ZNF385B: variants seen among roughly 807,000 people sequenced by gnomAD.
ZNF385B encodes zinc finger protein 533.
In ZNF385B, 23 loss-of-function variants were observed where a neutral mutation model predicts 39.2. The ratio of observed to expected loss-of-function variants is 0.59; its 90% confidence interval spans 0.42 to 0.83. The LOEUF (loss-of-function observed/expected upper bound fraction) is 0.83. Among genes scored for constraint, ZNF385B ranks in the 40% least tolerant of loss-of-function variants. The pLI, the probability that ZNF385B is intolerant of heterozygous loss-of-function variation, is 0.00. For synonymous variants in ZNF385B, 205 were observed against 222.6 expected (o/e 0.92, Z 0.70); for missense variants, 552 against 598.9 (o/e 0.92, Z 0.82).
At chr2:179,495,007 T>C (rs1394848415) in intron 5 of ZNF385B, among the ~76,000 whole-genome samples, 2 of 152,138 alleles carry the variant, frequency 1.3e-5, no homozygotes, top group African/African-American at 4.8e-5. Context: ...GACTTTGTCT[T>C]GCACCTTAGA....
Position 179,550,304 on chromosome 2 carries a change from A to G in ZNF385B, c.299-5335T>C, listed in dbSNP as rs2060486861. On this transcript the variant is annotated intron_variant, in intron 3 of 9. Transcript: ENST00000410066. ...TGGCTCTGATAATACTGTGTAATAC[A>G]TGGCTCCCTAGGGCCTGGTGAGAGT... Among the ~76,000 whole-genome samples, 3 of 149,488 alleles carry G rather than the reference A, an allele frequency of 2.0e-5. 1 individual carries two copies. Among genetic ancestry groups the G allele is most frequent in the African/African-American group, 7.6e-5 (3 of 39,706 alleles).
At chr2:179,543,543 T>G (rs2060048167) in intron 4 of ZNF385B, among the ~76,000 whole-genome samples, 2 of 152,188 alleles carry the variant, frequency 1.3e-5, no homozygotes, top group Non-Finnish European at 1.5e-5. Context: ...AAGTTTGCAT[T>G]CTTTGAAATG....
intron 5 of ZNF385B, among the ~76,000 whole-genome samples, chr2:179,497,268 A>G (rs749464768): frequency 2.6e-5 from 4 of 152,234 alleles, no homozygotes; most frequent in Non-Finnish European, 4.4e-5. Context: ...ATAACACTGT[A>G]ACTGTGGTAT....
intron 3 of ZNF385B, among the ~76,000 whole-genome samples, chr2:179,722,711 T>C (rs2106408848): frequency 6.6e-6 from 1 of 152,048 alleles, no homozygotes; most frequent in African/African-American, 2.4e-5. Flanking sequence ...ATAAAAGCAA[T>C]AAAAATACTT....
In ZNF385B at chr2:179,546,900, C is replaced by T. The variant is rs139985452; in HGVS notation, c.299-1931G>A. ...TCCTTGCCAACATTTGTTATTCTGT[C>T]TTTTGAATAAAAGCCATTTTAACTG... On this transcript the variant is annotated intron_variant, in intron 3 of 9. Transcript: ENST00000410066. 7.3e-5 allele frequency among the ~76,000 whole-genome samples: 11 copies of T among 149,812 alleles called. No homozygotes were observed. The East Asian group carries it at 2.1e-3, about 29-fold the overall frequency.
chr2:179,645,546 G>A (rs977511208), intron 3 of ZNF385B, among the ~76,000 whole-genome samples: 4 of 152,152 alleles, frequency 2.6e-5, no homozygotes, highest in Non-Finnish European at 5.9e-5. Context: ...TTCTGAGGTG[G>A]CCCCTGGGAA....
chr2:179,627,156 G>C (rs1021394384), intron 3 of ZNF385B, among the ~76,000 whole-genome samples: 1 of 152,112 alleles, frequency 6.6e-6, no homozygotes, highest in Admixed American at 6.6e-5. Context: ...AGCTTGGTGA[G>C]TTTCTGGCAG....
chr2:179,515,810 T>C (rs575396475), intron 5 of ZNF385B, among the ~76,000 whole-genome samples: 2 of 152,278 alleles, frequency 1.3e-5, no homozygotes, highest in South Asian at 4.1e-4. Context: ...TTTTTTCAGG[T>C]ATTCAGCTTA....
intron 3 of ZNF385B, among the ~76,000 whole-genome samples, chr2:179,566,019 T>C (rs1684528331): frequency 6.6e-6 from 1 of 152,208 alleles, no homozygotes; most frequent in Non-Finnish European, 1.5e-5. Flanking sequence ...CTGCTGTTTG[T>C]CTAGGGCCCT....
chr2:179,809,928 T>G (rs181777052), intron 1 of ZNF385B, among the ~76,000 whole-genome samples: 1 of 152,106 alleles, frequency 6.6e-6, no homozygotes, highest in Admixed American at 6.5e-5. Context: ...CTTATCAGTT[T>G]TAAGATACAA....
At chr2:179,767,328 C>CAG (rs909549836) in intron 3 of ZNF385B, among the ~76,000 whole-genome samples, 7 of 152,128 alleles carry the variant, frequency 4.6e-5, no homozygotes, top group African/African-American at 1.7e-4. Context: ...GGTAAACCTC[C>CAG]GCCTTTCTAT....
At chr2:179,838,800 T>C (rs992463008) in intron 1 of ZNF385B, among the ~76,000 whole-genome samples, 1 of 152,092 alleles carries the variant, frequency 6.6e-6, no homozygotes, top group African/African-American at 2.4e-5. Context: ...TGTAATTTTT[T>C]CATGACTAGA....
chr2:179,471,352 T>C (rs998139509), intron 6 of ZNF385B, among the ~76,000 whole-genome samples: 5 of 152,214 alleles, frequency 3.3e-5, no homozygotes, highest in African/African-American at 1.2e-4. Flanking sequence ...TAACTCATAA[T>C]CTTGTCACAC....
intron 3 of ZNF385B, among the ~76,000 whole-genome samples, chr2:179,688,074 C>T (rs929169533): frequency 2.6e-5 from 4 of 152,170 alleles, no homozygotes; most frequent in African/African-American, 9.7e-5. Flanking sequence ...AGCTCAGTTT[C>T]TGTCCCTTTT....
At chr2:179,745,175 A>C (rs1702304931) in intron 3 of ZNF385B, among the ~76,000 whole-genome samples, 1 of 152,166 alleles carries the variant, frequency 6.6e-6, no homozygotes, top group Non-Finnish European at 1.5e-5. Context: ...GTTGTCCAGT[A>C]CATGACCGGT....
At chr2:179,676,629 G>C (rs1395147158) in intron 3 of ZNF385B, among the ~76,000 whole-genome samples, 1 of 152,218 alleles carries the variant, frequency 6.6e-6, no homozygotes, top group Admixed American at 6.5e-5. Flanking sequence ...AGGCCCACAG[G>C]GAGCTGTTGC....
At chr2:179,771,673 CAA>C (rs952830426) in intron 1 of ZNF385B, among the ~76,000 whole-genome samples, 1 of 152,164 alleles carries the variant, frequency 6.6e-6, no homozygotes, top group African/African-American at 2.4e-5. Context: ...TATGTTATCA[CAA>C]AGTCACTTTT....
At position 179,443,245 on chromosome 2, in the gene ZNF385B, A is replaced by G; in HGVS notation, c.*5T>C. The G allele has an allele frequency of 6.2e-7, 1 of 1,612,292 alleles. No individual in the cohort carries two copies. The highest frequency in any genetic ancestry group is 1.7e-5 in the Admixed American group (1 of 60,036). On this transcript the variant is annotated 3_prime_UTR_variant, in exon 10 of 10. Coordinates refer to ENST00000410066, the MANE Select transcript of ZNF385B (RefSeq NM_152520.6). ...TGGCCTCAAACGTCTTGGGGTTTGC[A>G]GACGTTAGTACGGAGCAAAGAGGAT...
intron 6 of ZNF385B, among the ~76,000 whole-genome samples, chr2:179,479,238 ACTT>A (rs1304267281): frequency 6.6e-6 from 1 of 152,204 alleles, no homozygotes; most frequent in East Asian, 1.9e-4. Flanking sequence ...TGTAGTTAGA[ACTT>A]CTTATGATAA....
Sources: gnomAD v4.1 joint callset for allele counts (sites outside exome capture counted in the v4.1 genomes callset) on GRCh38, gnomAD v4.1.1 for gene constraint, MANE v1.5 for transcripts, NCBI Gene and HGNC (gene_info 2026-07-23, HGNC 2026-07-21) for gene names.